The following AHI1 variants were observed in gnomAD, a reference collection of about 807,000 sequenced individuals.
AHI1 encodes the protein Abelson helper integration site 1.
Under a neutral mutation model 149.3 loss-of-function variants are expected in AHI1, and 123 were observed. That is an observed-to-expected ratio of 0.82 (90% CI 0.71 to 0.96). AHI1 has a LOEUF of 0.96. Ranked by LOEUF, AHI1 falls within the 40% of genes least tolerant of loss-of-function variation. AHI1 has a pLI of 0.00. For synonymous variants in AHI1, 475 were observed against 459.8 expected (o/e 1.03, Z -0.42); for missense variants, 1,439 against 1,422.7 (o/e 1.01, Z -0.18).
chr6:135,449,144 G>C (rs1423319548), intron 11 of AHI1, among the ~76,000 whole-genome samples: 1 of 152,064 alleles, frequency 6.6e-6, no homozygotes, highest in East Asian at 1.9e-4. Flanking sequence ...CCTCCTCTGG[G>C]TTCAAGTGAT....
intron 28 of AHI1, among the ~76,000 whole-genome samples, chr6:135,287,396 C>T (rs893925816): frequency 2.0e-5 from 3 of 152,172 alleles, no homozygotes; most frequent in Admixed American, 6.5e-5. Flanking sequence ...ACAAAGATGG[C>T]GCATAAAAGG....
intron 24 of AHI1, among the ~76,000 whole-genome samples, chr6:135,325,372 A>T (rs1196768220): frequency 6.6e-6 from 1 of 152,208 alleles, no homozygotes; most frequent in Non-Finnish European, 1.5e-5. Context: ...CTTACATACA[A>T]GCGGAACTTT....
chr6:135,363,512 A>G (rs1314834942), intron 23 of AHI1, among the ~76,000 whole-genome samples: 1 of 152,132 alleles, frequency 6.6e-6, no homozygotes, highest in Non-Finnish European at 1.5e-5. Flanking sequence ...CCCCCTTTCT[A>G]TTCTACAAAA....
At chr6:135,365,878 G>A (rs979739818) in intron 23 of AHI1, among the ~76,000 whole-genome samples, 2 of 152,140 alleles carry the variant, frequency 1.3e-5, no homozygotes, top group Non-Finnish European at 2.9e-5. Context: ...GGGCATCCTT[G>A]TCTTGTTCCA....
At chr6:135,312,279 G>C (rs568153456) in intron 26 of AHI1, among the ~76,000 whole-genome samples, 3 of 152,124 alleles carry the variant, frequency 2.0e-5, no homozygotes, top group African/African-American at 7.2e-5. Context: ...TTGGGAGGCT[G>C]AGGCAGGCGG....
Position 135,447,066 on chromosome 6 carries a change from G to T in AHI1, c.1721C>A (p.Thr574Lys). 1 of 1,612,146 alleles carries T rather than the reference G, an allele frequency of 6.2e-7. No individual in the cohort carries two copies. The highest frequency in any genetic ancestry group is 8.5e-7 in the Non-Finnish European group (1 of 1,178,880). The change falls in exon 13 of 29, where the codon ACA becomes AAA. Residue 574 changes from threonine to lysine, a missense_variant. Transcript: ENST00000265602. ...CTTTGACTCTTCTAATCCAGGTTCT[G>T]TGTCTACTGAGCTTGACTCATGGTG... Reference protein sequence around the residue: ...ERHHESSSVDTEPGLEESKEV... With the variant: ...ERHHESSSVDKEPGLEESKEV...
chr6:135,383,586 C>T (rs1052401103), intron 23 of AHI1, among the ~76,000 whole-genome samples: 2 of 151,720 alleles, frequency 1.3e-5, no homozygotes, highest in Admixed American at 6.6e-5. Context: ...TCATCTTGCT[C>T]AGCCAGAATG....
chr6:135,289,005 C>T (rs1782019684), intron 28 of AHI1, among the ~76,000 whole-genome samples: 1 of 151,886 alleles, frequency 6.6e-6, no homozygotes, highest in Non-Finnish European at 1.5e-5. Flanking sequence ...GGGTAAAATA[C>T]CATCTCATTT....
chr6:135,461,776 A>C (rs1004641565), intron 8 of AHI1, among the ~76,000 whole-genome samples: 2 of 152,060 alleles, frequency 1.3e-5, no homozygotes, highest in East Asian at 3.8e-4. Flanking sequence ...AACTGTATGC[A>C]AGCAACAGTA....
At chr6:135,360,057 T>C (rs1032368319) in intron 23 of AHI1, among the ~76,000 whole-genome samples, 3 of 152,086 alleles carry the variant, frequency 2.0e-5, no homozygotes, top group Non-Finnish European at 2.9e-5. Context: ...TGCATGTTTG[T>C]TCAAGCTTGC....
Position 135,430,016 on chromosome 6 carries a change from A to T in AHI1, c.2374-16T>A. On this transcript the variant is annotated splice_polypyrimidine_tract_variant and intron_variant, in intron 17 of 28. Coordinates refer to ENST00000265602, the MANE Select transcript of AHI1 (RefSeq NM_001134831.2). The stretch of plus-strand genomic sequence containing the variant: ...CTTTAATTTCCTAAAATGATTAAAA[A>T]AAATACTACTACTGAAAAGTTTGTC... The T allele has an allele frequency of 7.3e-7, 1 of 1,367,532 alleles. No individual in the cohort carries two copies. Among genetic ancestry groups the T allele is most frequent in the Non-Finnish European group, 1.0e-6 (1 of 993,706 alleles). 84.7% of individuals were successfully genotyped at this position (1,367,532 alleles called of 1,614,324 possible).
intron 23 of AHI1, among the ~76,000 whole-genome samples, chr6:135,393,686 T>TTTC (rs1778831371): frequency 6.6e-6 from 1 of 152,124 alleles, no homozygotes. Flanking sequence ...TGAAATTAGA[T>TTTC]TTCAAAGTAG....
At chr6:135,294,698 C>CAAAAAAAAAAAAAAAAA (rs56734547) in intron 27 of AHI1, among the ~76,000 whole-genome samples, 52 of 67,980 alleles carry the variant, frequency 7.6e-4, no homozygotes, top group East Asian at 1.6e-3. Flanking sequence ...TCTCCAAATG[C>CAAAAAAAAAAAAAAAAA]AAAAAAAAAA....
At chr6:135,346,448 C>G (rs974263136) in intron 24 of AHI1, among the ~76,000 whole-genome samples, 2 of 152,164 alleles carry the variant, frequency 1.3e-5, no homozygotes, top group African/African-American at 4.8e-5. Context: ...GATCTGCCCA[C>G]CTCGGCATCC....
chr6:135,490,603 C>T lies in AHI1; in HGVS notation c.135+20G>A. ...TATGCGCATATGTAAATCACTATTA[C>T]CCAATGATCATTTACTTACTGAGAT... On this transcript the variant is annotated intron_variant, in intron 5 of 28. Transcript: ENST00000265602. 1.9e-6 allele frequency: 3 copies of T among 1,613,268 alleles called. No homozygotes were observed. Among genetic ancestry groups the T allele is most frequent in the Non-Finnish European group, 2.5e-6 (3 of 1,179,580 alleles).
chr6:135,431,415 G>A (rs567076812), intron 16 of AHI1, 101 bp from the exon 17 acceptor site: 1 of 595,826 alleles, frequency 1.7e-6, no homozygotes, highest in Non-Finnish European at 2.7e-6. Context: ...AACAGTCAAA[G>A]AATTGAAGGG....
At chr6:135,427,347 T>C (rs752664581) in intron 19 of AHI1, 40 bp from the exon 20 acceptor site, 18 of 1,535,142 alleles carry the variant, frequency 1.2e-5, no homozygotes, top group South Asian at 9.6e-5. Context: ...TATCAGAGCA[T>C]ATCTGTATCG....
intron 27 of AHI1, among the ~76,000 whole-genome samples, chr6:135,291,528 G>A (rs1782351245): frequency 6.6e-6 from 1 of 152,190 alleles, no homozygotes; most frequent in Non-Finnish European, 1.5e-5. Context: ...AAGCCAGGAA[G>A]AGAGGCCTCA....
intron 22 of AHI1, among the ~76,000 whole-genome samples, chr6:135,397,467 T>G (rs1779381757): frequency 6.6e-6 from 1 of 151,872 alleles, no homozygotes; most frequent in African/African-American, 2.4e-5. Flanking sequence ...GTTTAATACC[T>G]CCATATTGGA....
Sources: gnomAD v4.1 joint callset for allele counts (sites outside exome capture counted in the v4.1 genomes callset) on GRCh38, gnomAD v4.1.1 for gene constraint, MANE v1.5 for transcripts, NCBI Gene and HGNC (gene_info 2026-07-23, HGNC 2026-07-21) for gene names.